Variants in LRRIQ1 observed in about 807,000 individuals in gnomAD.
The protein encoded by LRRIQ1 is leucine rich repeats and IQ motif containing 1.
LRRIQ1 carries 210 observed loss-of-function variants against 211.9 expected under a neutral mutation model. The observed-to-expected ratio is 0.99, with a 90% confidence interval of 0.89 to 1.11. The LOEUF is 1.11. Ranked by LOEUF, LRRIQ1 falls within the 50% of genes most tolerant of loss-of-function variation. The pLI, the probability that LRRIQ1 is intolerant of heterozygous loss-of-function variation, is 0.00. For synonymous variants in LRRIQ1, 699 were observed against 650.1 expected (o/e 1.08, Z -1.14); for missense variants, 2,136 against 1,939.5 (o/e 1.10, Z -1.90).
At chr12:85,066,694 A>T in intron 9 of LRRIQ1, 54 bp from the exon 10 acceptor site, 1 of 1,386,088 alleles carries the variant, frequency 7.2e-7, no homozygotes, top group South Asian at 1.4e-5. Flanking sequence ...AGCTTTAAAT[A>T]GTTCATTAAT....
chr12:85,165,585 G>C (rs573487525), intron 24 of LRRIQ1, among the ~76,000 whole-genome samples: 1 of 144,990 alleles, frequency 6.9e-6, no homozygotes, highest in East Asian at 2.0e-4. Context: ...CAATTCTCCT[G>C]CCTCATCCTC....
intron 24 of LRRIQ1, 24 bp downstream of exon 24, chr12:85,160,738 A>G (rs779102216): frequency 1.6e-6 from 2 of 1,279,778 alleles, no homozygotes; most frequent in Admixed American, 2.0e-5. Context: ...ACAGATACAT[A>G]GAGAGGTAAA....
At chr12:85,080,446 T>G (rs1884159557) in intron 11 of LRRIQ1, among the ~76,000 whole-genome samples, 1 of 151,576 alleles carries the variant, frequency 6.6e-6, no homozygotes. Flanking sequence ...TTAATGTCTT[T>G]TATATGAGAT....
chr12:85,078,667 C>T (rs1245826557), intron 11 of LRRIQ1, among the ~76,000 whole-genome samples: 1 of 152,036 alleles, frequency 6.6e-6, no homozygotes, highest in Non-Finnish European at 1.5e-5. Flanking sequence ...TAAAACGTCT[C>T]TTTTCATAGG....
chr12:85,211,744 C>T (rs1205602968), intron 24 of LRRIQ1, among the ~76,000 whole-genome samples: 2 of 152,022 alleles, frequency 1.3e-5, no homozygotes, highest in East Asian at 3.9e-4. Context: ...CACTTTCTGC[C>T]TCTTAGTACA....
At position 85,071,491 on chromosome 12, in the gene LRRIQ1, C is replaced by T. The variant is rs553697773; in HGVS notation, c.2696-1416C>T. ...CCATATTACCATAATGAATATGACA[C>T]CTATTTAATTTCATATTTGATCAGA... On this transcript the variant is annotated intron_variant, in intron 10 of 26. Coordinates refer to ENST00000393217, the MANE Select transcript of LRRIQ1 (RefSeq NM_001079910.2). Among the ~76,000 whole-genome samples, 6 of 151,980 alleles carry T rather than the reference C, an allele frequency of 3.9e-5. No individual in the cohort carries two copies. In the South Asian group the frequency reaches 1.2e-3, roughly 32 times the overall value.
chr12:85,177,586 G>C (rs1437275797), intron 24 of LRRIQ1, among the ~76,000 whole-genome samples: 1 of 152,094 alleles, frequency 6.6e-6, no homozygotes, highest in Non-Finnish European at 1.5e-5. Context: ...CTGAAAGAAG[G>C]TTGGTATGGC....
chr12:85,076,284 C>CTA (rs1300338363), intron 11 of LRRIQ1, among the ~76,000 whole-genome samples: 4 of 151,072 alleles, frequency 2.6e-5, no homozygotes, highest in African/African-American at 9.7e-5. Context: ...TACATTTTCT[C>CTA]TATATATATG....
chr12:85,260,129 TAA>T (rs34282611), intron 1 of LRRIQ1, among the ~76,000 whole-genome samples: 1,679 of 115,550 alleles, frequency 0.015, 41 homozygotes, highest in African/African-American at 0.051. Context: ...TCATGTTGGT[TAA>T]AAAAAAAAAA....
At chr12:85,152,945 A>G (rs571828687) in intron 20 of LRRIQ1, 79 bp from the exon 21 acceptor site, 408 of 966,770 alleles carry the variant, frequency 4.2e-4, no homozygotes, top group Admixed American at 3.3e-3. Context: ...CTATTTGGTA[A>G]TATGCATGTA....
chr12:85,041,171 T>C (rs1878838450), intron 3 of LRRIQ1, among the ~76,000 whole-genome samples: 1 of 151,858 alleles, frequency 6.6e-6, no homozygotes, highest in African/African-American at 2.4e-5. Flanking sequence ...AAAATATTCA[T>C]GATATGTTAA....
chr12:85,072,767 T>C (rs1883228303), intron 10 of LRRIQ1, 140 bp from the exon 11 acceptor site: 1 of 448,636 alleles, frequency 2.2e-6, no homozygotes, highest in Non-Finnish European at 3.8e-6. Context: ...GAATCAAGTT[T>C]AGACATTTAT....
At chr12:85,230,846 G>C (rs1035815549) in intron 25 of LRRIQ1, among the ~76,000 whole-genome samples, 1 of 151,818 alleles carries the variant, frequency 6.6e-6, no homozygotes, top group Non-Finnish European at 1.5e-5. Flanking sequence ...TCAGGAGATC[G>C]AAACCATCCT....
intron 3 of LRRIQ1, among the ~76,000 whole-genome samples, chr12:85,042,800 T>C (rs1592685102): frequency 1.3e-5 from 2 of 152,030 alleles, no homozygotes; most frequent in East Asian, 3.8e-4. Flanking sequence ...AAAGATGTTA[T>C]AACTAAATTC....
chr12:85,230,623 TATACGCATCCTGAACCAAAGATTTAAGGA>T (rs1477875008), intron 25 of LRRIQ1, among the ~76,000 whole-genome samples: 8 of 152,190 alleles, frequency 5.3e-5, no homozygotes, highest in African/African-American at 1.9e-4. Context: ...ATATAAAGCA[TATACGCATCCTGAACCAAAGATTTAAGGA>T]AATAAAAGTC....
chr12:85,132,754 C>G (rs1220078695), intron 18 of LRRIQ1, among the ~76,000 whole-genome samples: 1 of 150,064 alleles, frequency 6.7e-6, no homozygotes, highest in Non-Finnish European at 1.5e-5. Flanking sequence ...AGAGTGAGAC[C>G]CTGTCTCAAA....
At chr12:85,045,957 A>G (rs1364000360) in intron 4 of LRRIQ1, 63 bp from the exon 5 acceptor site, 1 of 876,724 alleles carries the variant, frequency 1.1e-6, no homozygotes, top group Non-Finnish European at 1.8e-6. Flanking sequence ...TGTATTATTA[A>G]AACGACAGCT....
intron 13 of LRRIQ1, among the ~76,000 whole-genome samples, chr12:85,101,044 A>G (rs542172585): frequency 1.3e-5 from 2 of 151,808 alleles, no homozygotes; most frequent in Non-Finnish European, 3.0e-5. Flanking sequence ...TCTCACAAGT[A>G]TAAAAGTGGT....
In LRRIQ1 at chr12:85,186,033, AATC is replaced by A. The variant is rs796724660; in HGVS notation, c.4822+25322_4822+25324del. On this transcript the variant is annotated intron_variant, in intron 24 of 26. Coordinates refer to ENST00000393217, the MANE Select transcript of LRRIQ1 (RefSeq NM_001079910.2). ...GAAGTTTAAATCATATTACCACTGT[AATC>A]ATAATTTTAAATAATATTTAAATAA... is the stretch of plus-strand genomic sequence containing the variant. 1.9e-4 allele frequency among the ~76,000 whole-genome samples: 29 copies of A among 152,182 alleles called. No homozygotes were observed. The South Asian group carries it at 5.6e-3, about 29-fold the overall frequency.
Sources: allele counts gnomAD v4.1 joint callset (sites outside exome capture counted in the v4.1 genomes callset), GRCh38; gene constraint gnomAD v4.1.1; transcripts MANE v1.5; gene names NCBI Gene and HGNC (gene_info 2026-07-23, HGNC 2026-07-21).